Variants in TXNRD1 observed in about 807,000 individuals in gnomAD.
The protein encoded by TXNRD1 is thioredoxin reductase 1, cytoplasmic.
In TXNRD1, 57 loss-of-function variants were observed where a neutral mutation model predicts 80.3. That is an observed-to-expected ratio of 0.71 (90% CI 0.57 to 0.89). TXNRD1 has a LOEUF of 0.89. Ranked by LOEUF, TXNRD1 falls within the 40% of genes least tolerant of loss-of-function variation. The probability of loss-of-function intolerance (pLI) is 0.00; values close to 1 mark genes in which losing one functional copy is unlikely to be tolerated. For synonymous variants in TXNRD1, 291 were observed against 285.2 expected (o/e 1.02, Z -0.20); for missense variants, 730 against 803.0 (o/e 0.91, Z 1.10).
intron 14 of TXNRD1, 58 bp downstream of exon 14, chr12:104,331,699 T>A: frequency 1.8e-6 from 2 of 1,140,508 alleles, no homozygotes; most frequent in Non-Finnish European, 2.6e-6. Flanking sequence ...TCTTCAGAAT[T>A]TAAAATATAT....
rs193136253 is a variant in TXNRD1 at position 104,251,795 on chromosome 12, G to C, written c.243+117G>C. On this transcript the variant is annotated intron_variant, in intron 2 of 16. Transcript: ENST00000525566. ...GAAGAGTGTATGTAGGCTGGGCGCG[G>C]TGGCTCACACCTGTAATCCCAGCAC... 69 of 1,183,506 alleles carry C rather than the reference G, an allele frequency of 5.8e-5. 1 individual carries two copies. The African/African-American group carries it at 8.4e-4, about 14-fold the overall frequency. 73.3% of individuals were successfully genotyped at this position (1,183,506 alleles called of 1,614,324 possible).
chr12:104,312,458 A>G (rs2035173534), intron 5 of TXNRD1, among the ~76,000 whole-genome samples: 1 of 152,222 alleles, frequency 6.6e-6, no homozygotes, highest in Admixed American at 6.5e-5. Flanking sequence ...CTGCCCAAAT[A>G]CTGCAGACCA....
intron 1 of TXNRD1, among the ~76,000 whole-genome samples, chr12:104,246,038 G>A (rs1565860230): frequency 6.6e-6 from 1 of 150,670 alleles, no homozygotes; most frequent in Non-Finnish European, 1.5e-5. Flanking sequence ...GCGTGAACTC[G>A]GGAGGCGGAG....
At chr12:104,258,686 G>A (rs1442181343) in intron 3 of TXNRD1, among the ~76,000 whole-genome samples, 1 of 152,192 alleles carries the variant, frequency 6.6e-6, no homozygotes, top group African/African-American at 2.4e-5. Flanking sequence ...AACACACTGG[G>A]AGGCCAGGGT....
intron 2 of TXNRD1, 56 bp downstream of exon 2, chr12:104,251,734 T>C: frequency 6.3e-7 from 1 of 1,580,640 alleles, no homozygotes; most frequent in South Asian, 1.1e-5. Flanking sequence ...GACAGACTTT[T>C]GAGCTCAAAT....
At chr12:104,254,022 G>T (rs949975142) in intron 2 of TXNRD1, among the ~76,000 whole-genome samples, 2 of 152,112 alleles carry the variant, frequency 1.3e-5, no homozygotes, top group Admixed American at 1.3e-4. Flanking sequence ...GAAATTACGT[G>T]CTTGTCTAGT....
chr12:104,228,999 G>A (rs1263343206), intron 1 of TXNRD1, among the ~76,000 whole-genome samples: 1 of 151,908 alleles, frequency 6.6e-6, no homozygotes, highest in Non-Finnish European at 1.5e-5. Flanking sequence ...GATTACAGGC[G>A]TGAGCCACCG....
At chr12:104,316,074 T>C (rs1254503728) in intron 7 of TXNRD1, among the ~76,000 whole-genome samples, 178 bp downstream of exon 7, 1 of 152,240 alleles carries the variant, frequency 6.6e-6, no homozygotes, top group Non-Finnish European at 1.5e-5. Flanking sequence ...ATAGTTGTTA[T>C]GGTAACAACA....
chr12:104,310,113 CT>C (rs929125371), intron 4 of TXNRD1: 46 of 1,484,686 alleles, frequency 3.1e-5, no homozygotes, highest in South Asian at 3.9e-5. Context: ...AGTTTGGGGG[CT>C]TTTTTTTGTT....
intron 2 of TXNRD1, among the ~76,000 whole-genome samples, chr12:104,254,644 A>AAAAAAAAAAAAAAAATATATAT: frequency 9.6e-5 from 9 of 93,638 alleles, no homozygotes; most frequent in South Asian, 3.6e-4. Context: ...AAAAAAAAAA[A>AAAAAAAAAAAAAAAATATATAT]ATATATATAT....
rs956211192 is a variant in TXNRD1, at chr12:104,349,164, A to C, written c.*743A>C. ...ATTGCCTGGCATTTGGTAGTATAGT[A>C]TGATTCTCACCATTATTTGTCATGG... is the stretch of plus-strand genomic sequence containing the variant. On this transcript the variant is annotated 3_prime_UTR_variant, in exon 17 of 17. Coordinates refer to ENST00000525566, the MANE Select transcript of TXNRD1 (RefSeq NM_001093771.3). The C allele has an allele frequency of 1.3e-5, 2 of 152,250 alleles. No individual in the cohort carries two copies. The highest frequency in any genetic ancestry group is 4.8e-5 in the African/African-American group (2 of 41,464). 9.4% of individuals were successfully genotyped at this position (152,250 alleles called of 1,614,324 possible). A position where few individuals can be genotyped will look rare whatever the true frequency, so the allele number is the denominator to read the frequency against.
At chr12:104,297,220 G>A (rs950016108) in intron 4 of TXNRD1, among the ~76,000 whole-genome samples, 3 of 150,458 alleles carry the variant, frequency 2.0e-5, no homozygotes, top group African/African-American at 4.9e-5. Context: ...CAGGAGAATC[G>A]CTTGAACCTG....
chr12:104,285,744 T>C (rs2033957043), intron 3 of TXNRD1, among the ~76,000 whole-genome samples: 1 of 152,220 alleles, frequency 6.6e-6, no homozygotes, highest in Non-Finnish European at 1.5e-5. Flanking sequence ...AAATTATTAA[T>C]ACAGAACTTG....
intron 3 of TXNRD1, among the ~76,000 whole-genome samples, chr12:104,278,189 CTTTTTTTTTTTTTT>C (rs202175579): frequency 0.58 from 58,101 of 100,302 alleles, 15,438 homozygotes; most frequent in East Asian, 0.81. Context: ...TGATCAAATT[CTTTTTTTTTTTTTT>C]TTTTTTTTTT....
chr12:104,297,356 ATATTTATT>A (rs747031876), intron 4 of TXNRD1, among the ~76,000 whole-genome samples: 2 of 150,972 alleles, frequency 1.3e-5, no homozygotes, highest in East Asian at 1.9e-4. Flanking sequence ...AAATAAATTT[ATATTTATT>A]TATTTATTTA....
intron 1 of TXNRD1, among the ~76,000 whole-genome samples, chr12:104,219,459 G>A (rs2032298721): frequency 6.6e-6 from 1 of 152,150 alleles, no homozygotes; most frequent in African/African-American, 2.4e-5. Context: ...GATAAACAAG[G>A]CATGATCTCA....
At chr12:104,292,288 G>A (rs2034247583) in intron 4 of TXNRD1, among the ~76,000 whole-genome samples, 1 of 152,096 alleles carries the variant, frequency 6.6e-6, no homozygotes, top group African/African-American at 2.4e-5. Flanking sequence ...CAGACCACCT[G>A]CTCAGAATCC....
intron 3 of TXNRD1, among the ~76,000 whole-genome samples, chr12:104,277,644 A>C (rs1444529375): frequency 2.0e-5 from 3 of 152,142 alleles, no homozygotes; most frequent in Non-Finnish European, 4.4e-5. Flanking sequence ...CAGAGTTTTC[A>C]GGGTGGATGA....
intron 15 of TXNRD1, among the ~76,000 whole-genome samples, chr12:104,336,812 C>A (rs1052376039): frequency 6.6e-6 from 1 of 152,126 alleles, no homozygotes; most frequent in Non-Finnish European, 1.5e-5. Context: ...GCTATTGTTT[C>A]CCCCTTTTTA....
Sources: allele counts gnomAD v4.1 joint callset (sites outside exome capture counted in the v4.1 genomes callset), GRCh38; gene constraint gnomAD v4.1.1; transcripts MANE v1.5; gene names NCBI Gene and HGNC (gene_info 2026-07-23, HGNC 2026-07-21).